Variants in HEATR5A observed in about 807,000 individuals in gnomAD.
HEATR5A encodes the protein HEAT repeat-containing protein 5A.
Under a neutral mutation model 218.8 loss-of-function variants are expected in HEATR5A, and 178 were observed. That is an observed-to-expected ratio of 0.81 (90% CI 0.72 to 0.92). HEATR5A has a LOEUF of 0.92. Ranked by LOEUF, HEATR5A falls within the 40% of genes least tolerant of loss-of-function variation. The pLI, the probability that HEATR5A is intolerant of heterozygous loss-of-function variation, is 0.00. For synonymous variants in HEATR5A, 864 were observed against 871.6 expected, an observed-to-expected ratio of 0.99 and a Z score of 0.15; for missense variants, 2,420 against 2,418.9, an observed-to-expected ratio of 1.00 and a Z score of -0.01.
intron 16 of HEATR5A, among the ~76,000 whole-genome samples, chr14:31,351,675 C>T (rs1166573361): frequency 6.6e-6 from 1 of 152,040 alleles, no homozygotes; most frequent in African/African-American, 2.4e-5. Flanking sequence ...CTATAGATGC[C>T]ATCATAGCTC....
chr14:31,292,242 T>A lies in HEATR5A; in HGVS notation c.*1063A>T, dbSNP rs1336941257. ...TCTAAATACAATGTAGATATGAACC[T>A]AGGTTAAAACTCATTGATACAAATG... On this transcript the variant is annotated 3_prime_UTR_variant, in exon 36 of 36. Coordinates refer to ENST00000543095, the MANE Select transcript of HEATR5A (RefSeq NM_015473.4). 2 of 152,212 alleles carry A rather than the reference T, an allele frequency of 1.3e-5. No homozygotes were observed. The highest frequency in any genetic ancestry group is 2.9e-5 in the Non-Finnish European group (2 of 68,038). 9.4% of individuals were successfully genotyped at this position (152,212 alleles called of 1,614,324 possible).
chr14:31,333,974 G>A (rs1043270833), intron 22 of HEATR5A, among the ~76,000 whole-genome samples: 5 of 147,588 alleles, frequency 3.4e-5, no homozygotes, highest in African/African-American at 1.2e-4. Context: ...GAAAGTAGAG[G>A]CTGAAGTGAG....
chr14:31,349,957 C>A lies in HEATR5A; in HGVS notation c.2540G>T (p.Cys847Phe). 1 of 1,592,556 alleles carries A rather than the reference C, an allele frequency of 6.3e-7. No homozygotes were observed. The highest frequency in any genetic ancestry group is 1.3e-5 in the African/African-American group (1 of 74,304). Reference sequence around the variant, plus strand: ...TCTTTTCATTTCTTCTGGACCTAAACATCCCTTGGAGCCAGCCACGTACTG... The same window carrying A: ...TCTTTTCATTTCTTCTGGACCTAAAAATCCCTTGGAGCCAGCCACGTACTG... ...FLKYVAGSKG[C>F]LGPEEMKRFA... Residue 847 changes from cysteine to phenylalanine, a missense_variant, in exon 18 of 36, where the codon TGT becomes TTT. Cys to Phe is a radical substitution (Grantham distance 205). Coordinates refer to ENST00000543095, the MANE Select transcript of HEATR5A (RefSeq NM_015473.4).
intron 26 of HEATR5A, among the ~76,000 whole-genome samples, chr14:31,316,695 TTC>T (rs1899923693): frequency 6.6e-6 from 1 of 152,210 alleles, no homozygotes; most frequent in Admixed American, 6.5e-5. Context: ...GCCATGATAT[TTC>T]TCTCTCGTTT....
chr14:31,307,903 C>T lies in HEATR5A; in HGVS notation c.4808G>A (p.Gly1603Asp), dbSNP rs756454818. The change falls in exon 30 of 36, where the codon GGC (glycine) becomes GAC (aspartate). Residue 1603 changes from glycine (G) to aspartate (D), a missense_variant. Physicochemically the swap from Gly to Asp is moderately conservative, Grantham distance 94 (BLOSUM62 -1). Transcript: ENST00000543095. ...LDVPWPRSKI[G>D]SDQDLGIELL... Reference sequence around the variant, plus strand: ...CCCCAGATAAATCACCTGATCACTGCCAATTTTTGATCTGGGCCAAGGTAC... The same window carrying T: ...CCCCAGATAAATCACCTGATCACTGTCAATTTTTGATCTGGGCCAAGGTAC... The T allele has an allele frequency of 1.9e-6, 3 of 1,611,500 alleles. No individual in the cohort carries two copies. The highest frequency in any genetic ancestry group is 2.5e-6 in the Non-Finnish European group (3 of 1,179,294).
chr14:31,383,420 G>T, intron 10 of HEATR5A, 101 bp downstream of exon 10: 2 of 1,154,464 alleles, frequency 1.7e-6, no homozygotes, highest in Non-Finnish European at 2.5e-6. Flanking sequence ...AGGGCTAGAT[G>T]TACAGCAAAA....
At chr14:31,339,577 TTTGTTG>T (rs200357148) in intron 21 of HEATR5A, among the ~76,000 whole-genome samples, 20 of 152,190 alleles carry the variant, frequency 1.3e-4, no homozygotes, top group Non-Finnish European at 1.9e-4. Context: ...TGAGTAGTTT[TTTGTTG>T]TTGTTGTTGT....
Position 31,302,306 on chromosome 14 carries a change from C to T in HEATR5A, c.5453G>A (p.Cys1818Tyr), listed in dbSNP as rs371676572. 3.1e-5 allele frequency: 49 copies of T among 1,592,280 alleles called. No homozygotes were observed. The African/African-American group carries it at 3.5e-4, about 11-fold the overall frequency. The change falls in exon 33 of 36, where the codon TGT (cysteine) becomes TAT (tyrosine). Residue 1818 changes from cysteine (C) to tyrosine (Y), a missense_variant. Transcript: ENST00000543095. ...LRSALTTILD[C>Y]WDPVDETHQE... ...ATAGCCTCAATTACCTGGATCCCAACAGTCAAGAATTGTTGTTAAGGCACT... is the reference window on the plus strand; with the variant it reads ...ATAGCCTCAATTACCTGGATCCCAATAGTCAAGAATTGTTGTTAAGGCACT...
intron 21 of HEATR5A, among the ~76,000 whole-genome samples, chr14:31,338,552 T>C (rs1900739675): frequency 1.3e-5 from 2 of 152,164 alleles, no homozygotes. Context: ...TGGATAAAAA[T>C]TCTTAGTGAT....
At chr14:31,371,422 C>T (rs1286876559) in intron 13 of HEATR5A, 1 of 153,246 alleles carries the variant, frequency 6.5e-6, no homozygotes, top group African/African-American at 2.4e-5. Flanking sequence ...TGGCTTTTCT[C>T]TATATGTTCT....
intron 1 of HEATR5A, among the ~76,000 whole-genome samples, chr14:31,416,088 C>T (rs528579360): frequency 1.1e-3 from 170 of 151,996 alleles, no homozygotes; most frequent in Non-Finnish European, 1.9e-3. Context: ...ATAGCTGGGA[C>T]TCCAGGCGTG....
At chr14:31,325,452 C>T (rs917202558) in intron 23 of HEATR5A, among the ~76,000 whole-genome samples, 13 of 151,630 alleles carry the variant, frequency 8.6e-5, no homozygotes, top group Middle Eastern at 3.4e-3. Flanking sequence ...TAATTTCATA[C>T]GGTGCGAGGG....
chr14:31,377,140 A>G (rs2139265026), intron 11 of HEATR5A, among the ~76,000 whole-genome samples: 1 of 151,930 alleles, frequency 6.6e-6, no homozygotes, highest in East Asian at 1.9e-4. Context: ...AAAAAAAAAA[A>G]AAAAAAAATT....
intron 16 of HEATR5A, among the ~76,000 whole-genome samples, chr14:31,357,773 C>T (rs974929703): frequency 1.3e-5 from 2 of 152,142 alleles, no homozygotes; most frequent in East Asian, 1.9e-4. Context: ...ATGTTTTTAA[C>T]GAGGCTTTGC....
At chr14:31,341,319 A>G (rs986286747) in intron 21 of HEATR5A, among the ~76,000 whole-genome samples, 3 of 150,702 alleles carry the variant, frequency 2.0e-5, no homozygotes, top group African/African-American at 7.3e-5. Context: ...TTTGATGCCT[A>G]TTTTTTTTTC....
intron 11 of HEATR5A, among the ~76,000 whole-genome samples, chr14:31,376,221 G>A (rs1902222916): frequency 6.6e-6 from 1 of 152,184 alleles, no homozygotes; most frequent in Admixed American, 6.6e-5. Flanking sequence ...TTTATACACA[G>A]AAGAGTGCTT....
At chr14:31,320,368 C>A in intron 25 of HEATR5A, 1 of 924,188 alleles carries the variant, frequency 1.1e-6, no homozygotes. Flanking sequence ...AGCTGCCAAA[C>A]ACCGCTCCAA....
chr14:31,420,195 G>A (rs1566789385), intron 1 of HEATR5A: 2 of 152,486 alleles, frequency 1.3e-5, no homozygotes, highest in Admixed American at 1.3e-4. Flanking sequence ...AGTCCAGGAG[G>A]AAGAACGGAC....
chr14:31,345,025 C>T, intron 20 of HEATR5A, 62 bp downstream of exon 20: 1 of 1,386,470 alleles, frequency 7.2e-7, no homozygotes, highest in Non-Finnish European at 1.0e-6. Context: ...AGACTAGGAA[C>T]TGAATTCACT....
Sources: allele counts gnomAD v4.1 joint callset (sites outside exome capture counted in the v4.1 genomes callset), GRCh38; gene constraint gnomAD v4.1.1; transcripts MANE v1.5; gene names NCBI Gene and HGNC (gene_info 2026-07-23, HGNC 2026-07-21).